The following EXOC6 variants were observed in gnomAD, a reference collection of about 807,000 sequenced individuals.
EXOC6 encodes exocyst complex component 6, also known as SEC15-like 1.
EXOC6 carries 60 observed loss-of-function variants against 112.5 expected under a neutral mutation model. The observed-to-expected ratio is 0.53, with a 90% CI of 0.43 to 0.66. The LOEUF (loss-of-function observed/expected upper bound fraction) is 0.66, where lower values mean the gene tolerates loss of function less well. Among genes scored for constraint, EXOC6 ranks in the 30% least tolerant of loss-of-function variants. The pLI is 0.00. For missense variants in EXOC6, 855 were observed against 957.1 expected (o/e 0.89, Z 1.41); for synonymous variants, 295 against 308.0 (o/e 0.96, Z 0.44).
At chr10:93,035,696 A>G (rs1489103925) in intron 20 of EXOC6, among the ~76,000 whole-genome samples, 3 of 152,164 alleles carry the variant, frequency 2.0e-5, no homozygotes, top group Non-Finnish European at 2.9e-5. Context: ...CTCTACTAAA[A>G]ATACAAAAAT....
At chr10:92,951,308 A>G (rs1041110703) in intron 14 of EXOC6, among the ~76,000 whole-genome samples, 2 of 152,212 alleles carry the variant, frequency 1.3e-5, no homozygotes, top group African/African-American at 4.8e-5. Context: ...TGTAGTAGAA[A>G]GAGAGGGTTT....
chr10:93,016,613 T>G (rs1333456327), intron 20 of EXOC6, among the ~76,000 whole-genome samples: 1 of 152,214 alleles, frequency 6.6e-6, no homozygotes, highest in Non-Finnish European at 1.5e-5. Flanking sequence ...GAAAATCATG[T>G]GAGAAACATT....
At chr10:92,919,822 A>G (rs1240520347) in intron 7 of EXOC6, among the ~76,000 whole-genome samples, 160 bp from the exon 8 acceptor site, 2 of 152,186 alleles carry the variant, frequency 1.3e-5, no homozygotes, top group African/African-American at 4.8e-5. Flanking sequence ...AACAAAATAA[A>G]GAAGGTTTTG....
At chr10:92,885,519 C>T (rs1348712578) in intron 1 of EXOC6, among the ~76,000 whole-genome samples, 1 of 151,930 alleles carries the variant, frequency 6.6e-6, no homozygotes, top group Non-Finnish European at 1.5e-5. Flanking sequence ...AGCTGGGATA[C>T]AGGTGTGCAT....
intron 9 of EXOC6, among the ~76,000 whole-genome samples, chr10:92,929,941 G>A (rs1016785685): frequency 1.3e-5 from 2 of 152,198 alleles, no homozygotes; most frequent in East Asian, 1.9e-4. Context: ...TTCTGGGACA[G>A]ATGAGAAATA....
intron 18 of EXOC6, among the ~76,000 whole-genome samples, chr10:92,982,129 C>CA (rs1260844268): frequency 1.3e-5 from 2 of 151,932 alleles, no homozygotes; most frequent in Non-Finnish European, 2.9e-5. Context: ...AAAAACCAAA[C>CA]AAAAAAACCA....
intron 7 of EXOC6, among the ~76,000 whole-genome samples, chr10:92,919,352 C>A (rs1404287853): frequency 6.6e-6 from 1 of 152,138 alleles, no homozygotes; most frequent in Non-Finnish European, 1.5e-5. Context: ...CACATGAGTA[C>A]AAATGTGTTC....
In EXOC6 at chr10:92,852,061, C is replaced by T. The variant is rs76655937; in HGVS notation, c.101+3427C>T. On this transcript the variant is annotated intron_variant, in intron 1 of 21. Coordinates refer to ENST00000260762, the MANE Select transcript of EXOC6 (RefSeq NM_019053.6). ...TCCAGCCTAGGCAACAGAGTGAGAC[C>T]CCCATCTCAAAAAATGTATATATAT... 2.4e-3 allele frequency among the ~76,000 whole-genome samples: 371 copies of T among 152,190 alleles called. 15 individuals carry two copies. The East Asian group carries it at 0.063, about 26-fold the overall frequency.
At chr10:92,993,554 A>G (rs1295197509) in intron 18 of EXOC6, among the ~76,000 whole-genome samples, 1 of 152,190 alleles carries the variant, frequency 6.6e-6, no homozygotes, top group African/African-American at 2.4e-5. Context: ...ATTAGTTTTT[A>G]AGTGTTCTAC....
At chr10:92,921,293 G>A (rs1011631499) in intron 8 of EXOC6, among the ~76,000 whole-genome samples, 1 of 126,406 alleles carries the variant, frequency 7.9e-6, no homozygotes, top group African/African-American at 3.1e-5. Flanking sequence ...TGCCCAGGAT[G>A]GAGTGCAATG....
intron 20 of EXOC6, among the ~76,000 whole-genome samples, chr10:93,020,640 C>G (rs1244928229): frequency 6.6e-6 from 1 of 152,084 alleles, no homozygotes; most frequent in Non-Finnish European, 1.5e-5. Flanking sequence ...CTGGCCTATT[C>G]CCCAAAATAA....
upstream of EXOC6, among the ~76,000 whole-genome samples, chr10:92,845,238 C>T (rs556324654): frequency 1.4e-4 from 22 of 152,318 alleles, no homozygotes; most frequent in South Asian, 4.6e-3. Context: ...CCGCAACCTT[C>T]TCAGTGCAGA....
intron 20 of EXOC6, among the ~76,000 whole-genome samples, chr10:93,020,491 T>A (rs1302825160): frequency 1.3e-5 from 2 of 152,146 alleles, no homozygotes; most frequent in Non-Finnish European, 2.9e-5. Flanking sequence ...ACTCCAGACA[T>A]GGACCATTGT....
intron 20 of EXOC6, among the ~76,000 whole-genome samples, chr10:93,035,419 T>C (rs1317293967): frequency 2.6e-5 from 4 of 152,230 alleles, no homozygotes; most frequent in African/African-American, 7.2e-5. Flanking sequence ...ATTACAAAAA[T>C]TGTTTATGCT....
At chr10:93,009,935 GGAA>G (rs1844163860) in intron 19 of EXOC6, among the ~76,000 whole-genome samples, 1 of 152,218 alleles carries the variant, frequency 6.6e-6, no homozygotes, top group Admixed American at 6.5e-5. Flanking sequence ...AAATCCTACT[GGAA>G]GAAGTGGATG....
intron 2 of EXOC6, 61 bp from the exon 3 acceptor site, chr10:92,894,733 C>G: frequency 7.9e-7 from 1 of 1,269,514 alleles, no homozygotes; most frequent in Non-Finnish European, 1.1e-6. Context: ...CAAGGGTGAG[C>G]AGTTACATCA....
At chr10:92,913,908 G>A (rs1168794835) in intron 6 of EXOC6, among the ~76,000 whole-genome samples, 2 of 152,154 alleles carry the variant, frequency 1.3e-5, no homozygotes, top group African/African-American at 2.4e-5. Context: ...ATTCTAATAC[G>A]AGAGATGAAT....
intron 20 of EXOC6, among the ~76,000 whole-genome samples, chr10:93,028,889 G>A (rs944012870): frequency 6.8e-6 from 1 of 147,426 alleles, no homozygotes; most frequent in Non-Finnish European, 1.5e-5. Context: ...AGTTGATAAA[G>A]AAGTGGCAGA....
intron 2 of EXOC6, 47 bp downstream of exon 2, chr10:92,893,567 T>G (rs368246632): frequency 2.0e-6 from 3 of 1,493,062 alleles, no homozygotes; most frequent in Non-Finnish European, 2.7e-6. Flanking sequence ...ATTAAATTAC[T>G]CAAGTCTTAG....
Sources: gnomAD v4.1 joint callset for allele counts (sites outside exome capture counted in the v4.1 genomes callset) on GRCh38, gnomAD v4.1.1 for gene constraint, MANE v1.5 for transcripts, NCBI Gene and HGNC (gene_info 2026-07-23, HGNC 2026-07-21) for gene names.